The following ERC2 variants were observed in gnomAD, a reference collection of about 807,000 sequenced individuals.
The protein encoded by ERC2 is ERC protein 2.
ERC2 carries 42 observed loss-of-function variants against 114.8 expected under a neutral mutation model. That is an observed-to-expected ratio of 0.37 (90% CI 0.29 to 0.47). The LOEUF is 0.47. Among genes scored for constraint, ERC2 ranks in the 20% least tolerant of loss-of-function variants. ERC2 has a pLI of 0.99. For missense variants in ERC2, 939 were observed against 1,150.7 expected, an observed-to-expected ratio of 0.82 and a Z score of 2.66; for synonymous variants, 454 against 425.5, an observed-to-expected ratio of 1.07 and a Z score of -0.82.
chr3:56,354,294 A>G (rs773133748), intron 2 of ERC2, among the ~76,000 whole-genome samples: 2 of 152,180 alleles, frequency 1.3e-5, no homozygotes, highest in African/African-American at 2.4e-5. Context: ...CCCTTCCTAC[A>G]TGGCTCTTCG....
At chr3:55,518,872 A>G (rs1156981258) in intron 17 of ERC2, among the ~76,000 whole-genome samples, 1 of 152,266 alleles carries the variant, frequency 6.6e-6, no homozygotes, top group Non-Finnish European at 1.5e-5. Context: ...TTTGTTGTCA[A>G]AACTAATGAT....
At chr3:55,754,919 A>G (rs1057392622) in intron 14 of ERC2, among the ~76,000 whole-genome samples, 2 of 152,176 alleles carry the variant, frequency 1.3e-5, no homozygotes, top group Non-Finnish European at 2.9e-5. Flanking sequence ...TTCTTAAGTG[A>G]CAGCTGCATT....
At chr3:56,312,002 A>C (rs1264713269) in intron 2 of ERC2, among the ~76,000 whole-genome samples, 1 of 152,232 alleles carries the variant, frequency 6.6e-6, no homozygotes, top group Non-Finnish European at 1.5e-5. Flanking sequence ...AACTATTTGC[A>C]TAGCATTTAC....
At chr3:56,337,480 G>C (rs1321324408) in intron 2 of ERC2, among the ~76,000 whole-genome samples, 1 of 152,190 alleles carries the variant, frequency 6.6e-6, no homozygotes, top group Non-Finnish European at 1.5e-5. Flanking sequence ...AAAATGAGGG[G>C]AACAATTTCA....
At position 55,942,101 on chromosome 3, in the gene ERC2, G is replaced by T. The variant is rs138110384; in HGVS notation, c.2403+8324C>A. Reference sequence around the variant, plus strand: ...TAGTCTTACCTTATGGAACCAGTGGGTTGCACAAATGGCACTGGGCAAGGA... The same window carrying T: ...TAGTCTTACCTTATGGAACCAGTGGTTTGCACAAATGGCACTGGGCAAGGA... On this transcript the variant is annotated intron_variant, in intron 13 of 17. Coordinates refer to ENST00000288221, the MANE Select transcript of ERC2 (RefSeq NM_015576.3). Among the ~76,000 whole-genome samples the T allele has an allele frequency of 1.1e-4, 16 of 152,082 alleles. No individual in the cohort carries two copies. The East Asian group carries it at 2.7e-3, about 26-fold the overall frequency.
intron 17 of ERC2, among the ~76,000 whole-genome samples, chr3:55,526,273 TA>T (rs890056715): frequency 1.3e-5 from 2 of 152,162 alleles, no homozygotes; most frequent in Non-Finnish European, 2.9e-5. Flanking sequence ...CATGAAAGAA[TA>T]AATTTCTGTT....
chr3:55,800,410 G>A (rs2070949275), intron 14 of ERC2, among the ~76,000 whole-genome samples: 1 of 152,074 alleles, frequency 6.6e-6, no homozygotes, highest in Non-Finnish European at 1.5e-5. Context: ...CCAAAGTGCT[G>A]GGATTACAGG....
intron 3 of ERC2, among the ~76,000 whole-genome samples, chr3:56,251,019 C>T (rs1259499562): frequency 6.6e-6 from 1 of 152,182 alleles, no homozygotes; most frequent in Non-Finnish European, 1.5e-5. Context: ...ACACAGGCTG[C>T]CTGGAGAGTG....
At chr3:56,331,572 G>A (rs2057616878) in intron 2 of ERC2, among the ~76,000 whole-genome samples, 1 of 152,176 alleles carries the variant, frequency 6.6e-6, no homozygotes. Flanking sequence ...CTGGAACCAA[G>A]TTTCTACCAC....
intron 10 of ERC2, among the ~76,000 whole-genome samples, chr3:56,006,566 C>A (rs542719652): frequency 6.6e-6 from 1 of 152,072 alleles, no homozygotes; most frequent in Non-Finnish European, 1.5e-5. Context: ...TGGAAATGCA[C>A]TCCACAAAAA....
At chr3:56,104,046 A>G (rs1389913727) in intron 6 of ERC2, among the ~76,000 whole-genome samples, 2 of 152,232 alleles carry the variant, frequency 1.3e-5, no homozygotes. Context: ...GAATGAACAA[A>G]CAGATACATC....
At chr3:55,625,436 T>C (rs1379975494) in intron 17 of ERC2, among the ~76,000 whole-genome samples, 1 of 149,414 alleles carries the variant, frequency 6.7e-6, no homozygotes. Context: ...AAGTAAGTGC[T>C]TTTCACTTTA....
chr3:56,112,641 G>A (rs995195357), intron 6 of ERC2, among the ~76,000 whole-genome samples: 2 of 152,110 alleles, frequency 1.3e-5, no homozygotes, highest in Non-Finnish European at 2.9e-5. Flanking sequence ...TTTAAAATTC[G>A]TAAGTTCAGG....
chr3:55,781,541 C>T (rs765303265), intron 14 of ERC2, among the ~76,000 whole-genome samples: 1 of 151,256 alleles, frequency 6.6e-6, no homozygotes, highest in Non-Finnish European at 1.5e-5. Flanking sequence ...CTTTTCTTCT[C>T]CCAGAAAGTC....
chr3:55,680,008 G>C (rs1460190758), intron 17 of ERC2, among the ~76,000 whole-genome samples: 1 of 152,008 alleles, frequency 6.6e-6, no homozygotes, highest in Non-Finnish European at 1.5e-5. Context: ...AGTTCCACTG[G>C]GCCATCCAGC....
chr3:55,915,400 T>G (rs2149371948), intron 13 of ERC2, among the ~76,000 whole-genome samples: 1 of 152,246 alleles, frequency 6.6e-6, no homozygotes, highest in East Asian at 1.9e-4. Flanking sequence ...GTATGTAGCA[T>G]ATAAAATCAA....
chr3:56,040,215 A>G (rs2075048913), intron 7 of ERC2, among the ~76,000 whole-genome samples: 1 of 152,194 alleles, frequency 6.6e-6, no homozygotes, highest in Admixed American at 6.6e-5. Flanking sequence ...CAGATGTTAC[A>G]ATTTTTCTTC....
intron 2 of ERC2, among the ~76,000 whole-genome samples, chr3:56,400,305 A>G (rs2060473256): frequency 1.3e-5 from 2 of 152,058 alleles, no homozygotes; most frequent in African/African-American, 2.4e-5. Flanking sequence ...AGGAAAGGTG[A>G]TGGTTATGGG....
At chr3:56,050,809 T>G (rs2075727016) in intron 7 of ERC2, among the ~76,000 whole-genome samples, 1 of 152,172 alleles carries the variant, frequency 6.6e-6, no homozygotes, top group African/African-American at 2.4e-5. Context: ...AAGGACTCCA[T>G]CTCTCTCATT....
Sources: allele counts gnomAD v4.1 joint callset (sites outside exome capture counted in the v4.1 genomes callset), GRCh38; gene constraint gnomAD v4.1.1; transcripts MANE v1.5; gene names NCBI Gene and HGNC (gene_info 2026-07-23, HGNC 2026-07-21).